Variants in EPM2A observed in about 807,000 individuals in gnomAD.
The protein encoded by EPM2A is EPM2A glucan phosphatase, laforin, also known as laforin.
Under a neutral mutation model 26.5 loss-of-function variants are expected in EPM2A, and 21 were observed. That is an observed-to-expected ratio of 0.79 (90% CI 0.56 to 1.14). EPM2A has a LOEUF of 1.14. Ranked by LOEUF, EPM2A falls within the 50% of genes most tolerant of loss-of-function variation. EPM2A has a pLI of 0.00. For synonymous variants in EPM2A, 217 were observed against 177.6 expected (o/e 1.22, Z -1.76); for missense variants, 458 against 440.8 (o/e 1.04, Z -0.35).
At chr6:145,509,780 C>T (rs1478221233) in intron 2 of EPM2A, among the ~76,000 whole-genome samples, 2 of 152,100 alleles carry the variant, frequency 1.3e-5, no homozygotes, top group Non-Finnish European at 2.9e-5. Context: ...ATAAAAGACA[C>T]ACACTGGCAA....
chr6:145,732,986 A>G (rs1454566179), intron 1 of EPM2A, among the ~76,000 whole-genome samples: 1 of 152,222 alleles, frequency 6.6e-6, no homozygotes, highest in Non-Finnish European at 1.5e-5. Context: ...CTGGCTCCAG[A>G]ATCCTTGCTC....
chr6:145,552,653 T>A (rs1266524436), intron 2 of EPM2A, among the ~76,000 whole-genome samples: 2 of 152,132 alleles, frequency 1.3e-5, no homozygotes, highest in Non-Finnish European at 2.9e-5. Flanking sequence ...AATATATTGA[T>A]AAATATGTGA....
intron 4 of EPM2A, chr6:145,490,686 C>A (rs1779743016): frequency 5.0e-6 from 3 of 596,702 alleles, no homozygotes; most frequent in Non-Finnish European, 9.7e-6. Context: ...TGCGTTCCTT[C>A]AAATGATAAA....
At chr6:145,643,344 T>C (rs1053083703) in intron 2 of EPM2A, among the ~76,000 whole-genome samples, 3 of 152,212 alleles carry the variant, frequency 2.0e-5, no homozygotes, top group African/African-American at 7.2e-5. Flanking sequence ...CAAAACTTGA[T>C]AATATCAAGC....
At chr6:145,491,014 C>T (rs1474738597) in intron 4 of EPM2A, 2 of 915,978 alleles carry the variant, frequency 2.2e-6, no homozygotes, top group Non-Finnish European at 3.4e-6. Context: ...GTGCCTTCAG[C>T]AATCTCTACC....
At chr6:145,700,557 A>C (rs143786567) in intron 1 of EPM2A, among the ~76,000 whole-genome samples, 2,935 of 152,130 alleles carry the variant, frequency 0.019, 29 homozygotes, top group Middle Eastern at 0.027. Context: ...CACACACACA[A>C]AAAAAAACCT....
intron 4 of EPM2A, among the ~76,000 whole-genome samples, chr6:145,448,839 C>T (rs918484264): frequency 6.6e-6 from 1 of 151,986 alleles, no homozygotes; most frequent in African/African-American, 2.4e-5. Flanking sequence ...ATAATCTAAA[C>T]AAAGTCTCTT....
intron 2 of EPM2A, among the ~76,000 whole-genome samples, chr6:145,679,379 G>A (rs369816523): frequency 6.6e-6 from 1 of 151,296 alleles, no homozygotes; most frequent in African/African-American, 2.4e-5. Context: ...TGCATGTTGT[G>A]AACATGTACC....
chr6:145,398,200 C>A (rs1406640906), intron 4 of EPM2A, among the ~76,000 whole-genome samples: 1 of 152,142 alleles, frequency 6.6e-6, no homozygotes, highest in African/African-American at 2.4e-5. Context: ...CCCTCTTCTG[C>A]AACAGTCAGA....
intron 2 of EPM2A, among the ~76,000 whole-genome samples, chr6:145,505,988 G>T (rs1351760026): frequency 6.6e-6 from 1 of 152,174 alleles, no homozygotes; most frequent in Non-Finnish European, 1.5e-5. Flanking sequence ...TGGACAGAAA[G>T]CCAGCCAAAA....
chr6:145,576,333 A>C (rs185603418), intron 2 of EPM2A, among the ~76,000 whole-genome samples: 11 of 152,108 alleles, frequency 7.2e-5, no homozygotes, highest in African/African-American at 1.7e-4. Context: ...TTGTTGTCCA[A>C]TTAATGAAAG....
chr6:145,431,390 A>T (rs1003279970), intron 4 of EPM2A, among the ~76,000 whole-genome samples: 1 of 152,228 alleles, frequency 6.6e-6, no homozygotes, highest in African/African-American at 2.4e-5. Flanking sequence ...AAAGCAGCTT[A>T]CACAGTAAAA....
intron 2 of EPM2A, among the ~76,000 whole-genome samples, chr6:145,548,546 C>G (rs1780614572): frequency 6.6e-6 from 1 of 151,988 alleles, no homozygotes. Context: ...AGGTCTAATT[C>G]CAGAATACAT....
At chr6:145,595,579 T>C (rs1781331978) in intron 2 of EPM2A, among the ~76,000 whole-genome samples, 1 of 152,032 alleles carries the variant, frequency 6.6e-6, no homozygotes, top group East Asian at 1.9e-4. Context: ...TAGACAAGGA[T>C]ATATCTATTT....
intron 4 of EPM2A, among the ~76,000 whole-genome samples, chr6:145,429,916 G>T (rs929744464): frequency 1.3e-5 from 2 of 152,146 alleles, no homozygotes; most frequent in African/African-American, 4.8e-5. Flanking sequence ...TTTGAAGGAG[G>T]CCAGGCACAG....
chr6:145,403,011 T>G lies in EPM2A; in HGVS notation c.556-18914A>C, dbSNP rs1778514276. Reference sequence around the variant, plus strand: ...GAGAATTCTCAAACTTCTGTAACTTTCCTCAAACCTGATACTATTACACTT... The same window carrying G: ...GAGAATTCTCAAACTTCTGTAACTTGCCTCAAACCTGATACTATTACACTT... On this transcript the variant is annotated intron_variant, in intron 4 of 4. Coordinates refer to the EPM2A transcript ENST00000638717. 2.0e-5 allele frequency among the ~76,000 whole-genome samples: 3 copies of G among 152,162 alleles called. No individual in the cohort carries two copies. In the South Asian group the frequency reaches 6.2e-4, roughly 32 times the overall value.
chr6:145,701,891 T>C (rs1285798846), intron 1 of EPM2A, among the ~76,000 whole-genome samples: 1 of 152,178 alleles, frequency 6.6e-6, no homozygotes, highest in African/African-American at 2.4e-5. Context: ...CTCTTAAAAC[T>C]TGCCAATTGC....
At position 145,551,845 on chromosome 6, in the gene EPM2A, G is replaced by A. The variant is rs191661978; in HGVS notation, c.341-49270C>T. The stretch of plus-strand genomic sequence containing the variant: ...CAAAATAAAGGACATGAAACATTAC[G>A]TTTTATGTACTTAAACTTTTTTTTT... On this transcript the variant is annotated intron_variant, in intron 2 of 3. Coordinates refer to the EPM2A transcript ENST00000450221. 3.9e-3 allele frequency among the ~76,000 whole-genome samples: 584 copies of A among 150,548 alleles called. 3 individuals carry two copies. The highest frequency in any genetic ancestry group is 0.01 in the Middle Eastern group (3 of 290).
intron 4 of EPM2A, among the ~76,000 whole-genome samples, chr6:145,408,296 T>C (rs1778597185): frequency 6.6e-6 from 1 of 152,180 alleles, no homozygotes; most frequent in South Asian, 2.1e-4. Flanking sequence ...GTAACAGCTG[T>C]ACTACCCAGC....
Sources: allele counts gnomAD v4.1 joint callset (sites outside exome capture counted in the v4.1 genomes callset), GRCh38; gene constraint gnomAD v4.1.1; transcripts MANE v1.5; gene names NCBI Gene and HGNC (gene_info 2026-07-23, HGNC 2026-07-21).